Variants in AUTS2 observed in about 807,000 individuals in gnomAD.
AUTS2 encodes activator of transcription and developmental regulator AUTS2, also known as autism susceptibility gene 2 protein.
In AUTS2, 17 loss-of-function variants were observed where a neutral mutation model predicts 112.4. The ratio of observed to expected loss-of-function variants is 0.15; its 90% CI spans 0.10 to 0.23. The LOEUF (loss-of-function observed/expected upper bound fraction) is 0.23, where lower values mean the gene tolerates loss of function less well. Ranked by LOEUF, AUTS2 falls within the 10% of genes least tolerant of loss-of-function variation. The probability of loss-of-function intolerance (pLI) is 1.00; values close to 1 mark genes in which losing one functional copy is unlikely to be tolerated. For missense variants in AUTS2, 1,510 were observed against 1,701.6 expected (o/e 0.89, Z 1.98); for synonymous variants, 751 against 702.7 (o/e 1.07, Z -1.09).
chr7:69,949,590 A>G (rs564253425), intron 2 of AUTS2, among the ~76,000 whole-genome samples: 43 of 152,252 alleles, frequency 2.8e-4, no homozygotes, highest in Admixed American at 1.1e-3. Context: ...TGAAGCCACT[A>G]TCAGATATAT....
intron 1 of AUTS2, among the ~76,000 whole-genome samples, chr7:69,807,940 CTT>C (rs34491458): frequency 0.099 from 11,897 of 120,104 alleles, 643 homozygotes; most frequent in African/African-American, 0.21. Flanking sequence ...TAGGCCCAAG[CTT>C]TTTTTTTTTT....
chr7:69,867,952 C>T (rs1324759103), intron 1 of AUTS2, among the ~76,000 whole-genome samples: 2 of 150,988 alleles, frequency 1.3e-5, no homozygotes, highest in Non-Finnish European at 2.9e-5. Context: ...AATACTTACT[C>T]TAAAAAATCA....
chr7:70,789,692 G>A (rs1235430819), intron 18 of AUTS2, 56 bp from the exon 19 acceptor site: 18 of 1,557,992 alleles, frequency 1.2e-5, no homozygotes, highest in African/African-American at 2.7e-5. Flanking sequence ...CCCCTGGCCC[G>A]GCCGACTCGC....
intron 4 of AUTS2, among the ~76,000 whole-genome samples, chr7:70,302,419 A>G (rs928535282): frequency 3.3e-5 from 5 of 151,984 alleles, no homozygotes; most frequent in Admixed American, 6.6e-5. Flanking sequence ...AAAACAATGT[A>G]GTGAGTCATA....
intron 1 of AUTS2, among the ~76,000 whole-genome samples, chr7:69,678,382 G>A (rs1351697505): frequency 1.3e-5 from 2 of 152,080 alleles, no homozygotes; most frequent in Admixed American, 1.3e-4. Context: ...TGTTACAGAT[G>A]GGACCAGCGT....
intron 4 of AUTS2, among the ~76,000 whole-genome samples, chr7:70,160,959 A>C (rs1268302719): frequency 6.6e-6 from 1 of 152,184 alleles, no homozygotes; most frequent in African/African-American, 2.4e-5. Flanking sequence ...GCAAATTTCA[A>C]CTCGGCTGGA....
intron 5 of AUTS2, among the ~76,000 whole-genome samples, chr7:70,682,110 G>A (rs974257160): frequency 6.6e-6 from 1 of 152,156 alleles, no homozygotes; most frequent in Non-Finnish European, 1.5e-5. Flanking sequence ...TGAGGGAAAG[G>A]ACAGAACCCA....
intron 1 of AUTS2, among the ~76,000 whole-genome samples, chr7:69,649,641 A>G (rs1247132446): frequency 1.3e-5 from 2 of 152,064 alleles, no homozygotes; most frequent in Non-Finnish European, 2.9e-5. Context: ...GTTGCTAACT[A>G]GTGGATACAT....
intron 2 of AUTS2, among the ~76,000 whole-genome samples, chr7:69,979,719 T>C (rs1336705355): frequency 6.6e-6 from 1 of 152,236 alleles, no homozygotes; most frequent in East Asian, 1.9e-4. Context: ...TAAGCCGTGT[T>C]ACCCTTGTTT....
At chr7:69,688,997 G>A (rs974132226) in intron 1 of AUTS2, among the ~76,000 whole-genome samples, 2 of 152,152 alleles carry the variant, frequency 1.3e-5, no homozygotes, top group Non-Finnish European at 2.9e-5. Context: ...TTTTGTACCT[G>A]AATGAATCCT....
chr7:69,961,779 A>G (rs1797440707), intron 2 of AUTS2, among the ~76,000 whole-genome samples: 1 of 152,146 alleles, frequency 6.6e-6, no homozygotes. Context: ...CTTCCTCTCA[A>G]AAGAAGATTA....
intron 1 of AUTS2, among the ~76,000 whole-genome samples, chr7:69,867,069 G>A (rs937610385): frequency 1.3e-5 from 2 of 152,236 alleles, no homozygotes; most frequent in African/African-American, 4.8e-5. Flanking sequence ...TTAGGGTGAT[G>A]TGGGGCCTGC....
intron 1 of AUTS2, among the ~76,000 whole-genome samples, chr7:69,736,899 A>G (rs1360071093): frequency 6.6e-6 from 1 of 152,136 alleles, no homozygotes; most frequent in Non-Finnish European, 1.5e-5. Flanking sequence ...TTCATTTGGC[A>G]TATTTGTTGT....
intron 4 of AUTS2, among the ~76,000 whole-genome samples, chr7:70,398,531 TTTGA>T (rs1220914570): frequency 6.6e-6 from 1 of 152,164 alleles, no homozygotes; most frequent in African/African-American, 2.4e-5. Context: ...AATTTAAATT[TTTGA>T]TTGTTGCTAG....
At chr7:70,617,641 C>A (rs551375151) in intron 5 of AUTS2, among the ~76,000 whole-genome samples, 1 of 147,250 alleles carries the variant, frequency 6.8e-6, no homozygotes, top group African/African-American at 2.6e-5. Flanking sequence ...CCAACCTGGG[C>A]GACAGAGCGA....
intron 2 of AUTS2, among the ~76,000 whole-genome samples, chr7:70,115,739 A>T (rs1805324782): frequency 6.6e-6 from 1 of 152,244 alleles, no homozygotes; most frequent in Non-Finnish European, 1.5e-5. Context: ...TGGAGGGCCC[A>T]TGCCACATGC....
At chr7:70,342,604 A>T (rs1010240301) in intron 4 of AUTS2, among the ~76,000 whole-genome samples, 2 of 152,102 alleles carry the variant, frequency 1.3e-5, no homozygotes, top group African/African-American at 4.8e-5. Context: ...AAGGAGCTAA[A>T]TTTTAAAATT....
chr7:70,148,746 G>T (rs1483441585), intron 4 of AUTS2, among the ~76,000 whole-genome samples: 1 of 151,962 alleles, frequency 6.6e-6, no homozygotes, highest in Non-Finnish European at 1.5e-5. Flanking sequence ...ACAAAAAACG[G>T]TGTAAGTGAC....
At chr7:70,197,160 G>A (rs777555818) in intron 4 of AUTS2, among the ~76,000 whole-genome samples, 16 of 152,064 alleles carry the variant, frequency 1.1e-4, no homozygotes, top group Non-Finnish European at 1.8e-4. Context: ...CTGCCACCTT[G>A]TAGCTGTTGG....
Sources: gnomAD v4.1 joint callset for allele counts (sites outside exome capture counted in the v4.1 genomes callset) on GRCh38, gnomAD v4.1.1 for gene constraint, MANE v1.5 for transcripts, NCBI Gene and HGNC (gene_info 2026-07-23, HGNC 2026-07-21) for gene names.